The following STRN3 variants were observed in gnomAD, a reference collection of about 807,000 sequenced individuals.
STRN3 encodes striatin-3.
Under a neutral mutation model 95.6 loss-of-function variants are expected in STRN3, and 29 were observed. The observed-to-expected ratio is 0.30, with a 90% confidence interval of 0.23 to 0.41. The LOEUF is 0.41. STRN3 is among the 10% of genes least tolerant of loss of function. STRN3 has a pLI of 1.00. For missense variants in STRN3, 890 were observed against 972.1 expected (o/e 0.92, Z 1.12); for synonymous variants, 331 against 357.6 (o/e 0.93, Z 0.84).
At chr14:31,003,349 G>GA (rs546113177) in intron 1 of STRN3, among the ~76,000 whole-genome samples, 6,548 of 142,734 alleles carry the variant, frequency 0.046, 175 homozygotes, top group East Asian at 0.081. Context: ...TTAAAAATTG[G>GA]AAAAAAAAAA....
At chr14:30,924,287 C>CTTTTTTTATTTTTT (rs1896960498) in intron 8 of STRN3, among the ~76,000 whole-genome samples, 1 of 77,228 alleles carries the variant, frequency 1.3e-5, no homozygotes, top group Non-Finnish European at 2.2e-5. Context: ...TGCCTTAAAT[C>CTTTTTTTATTTTTT]TTTTTTTTTT....
At chr14:31,025,585 T>C in intron 1 of STRN3, 1 of 417,834 alleles carries the variant, frequency 2.4e-6, no homozygotes, top group South Asian at 2.5e-5. Context: ...CACAGAGAGG[T>C]GCTCGGTCCC....
chr14:31,025,962 T>C lies in STRN3; in HGVS notation c.224A>G (p.Glu75Gly), dbSNP rs1195475658. The C allele has an allele frequency of 5.7e-6, 9 of 1,589,116 alleles. No individual in the cohort carries two copies. Among genetic ancestry groups the C allele is most frequent in the Non-Finnish European group, 6.8e-6 (8 of 1,168,622 alleles). The change falls in exon 1 of 18, where the codon GAG becomes GGG. Residue 75 changes from glutamate to glycine, a missense_variant. By Grantham distance (98) the Glu-to-Gly change is moderately conservative. Around this residue, in one of 3 missense-constraint regions of STRN3, gnomAD observed 526 missense variants for 526.3 expected, o/e 1.00. Coordinates refer to ENST00000357479, the MANE Select transcript of STRN3 (RefSeq NM_001083893.2). ...CCGCTCCATCTCGAACCGAGCCCAC[T>C]CGTGCTGGATGTAGTGCAGTATCCC... ...IPGILHYIQHEWARFEMERAH... is the reference protein window; with the variant it reads ...IPGILHYIQHGWARFEMERAH...
At chr14:30,945,927 G>A (rs1429159116) in intron 5 of STRN3, among the ~76,000 whole-genome samples, 1 of 152,108 alleles carries the variant, frequency 6.6e-6, no homozygotes, top group East Asian at 1.9e-4. Context: ...AGATTGCGGT[G>A]ATAGCTGAAC....
intron 1 of STRN3, among the ~76,000 whole-genome samples, chr14:30,992,157 C>T (rs1189969020): frequency 1.3e-5 from 2 of 151,972 alleles, no homozygotes; most frequent in African/African-American, 4.8e-5. Flanking sequence ...TGCCTGTAAT[C>T]CCAGCACTTT....
chr14:30,925,248 A>G (rs1207032237), intron 8 of STRN3, among the ~76,000 whole-genome samples: 2 of 151,800 alleles, frequency 1.3e-5, no homozygotes, highest in African/African-American at 4.8e-5. Flanking sequence ...CAGGGGGGTA[A>G]AAAAAAGAAG....
Position 30,894,566 on chromosome 14 carries a change from G to A in STRN3, c.*845C>T, listed in dbSNP as rs1896076610. On this transcript the variant is annotated 3_prime_UTR_variant, in exon 18 of 18. Coordinates refer to ENST00000357479, the MANE Select transcript of STRN3 (RefSeq NM_001083893.2). The stretch of plus-strand genomic sequence containing the variant: ...AGTTTTTTTCTTTAAGAGTTCATTT[G>A]GAGTACTAAACCCCACTGTTTCATT... The A allele has an allele frequency of 6.5e-6, 1 of 152,682 alleles. No individual in the cohort carries two copies. The highest frequency in any genetic ancestry group is 6.6e-5 in the Admixed American group (1 of 15,262). The allele number at this position is 152,682 out of a possible 1,614,324, so 9.5% of individuals were successfully genotyped here. A position where few individuals can be genotyped will look rare whatever the true frequency, so the allele number is the denominator to read the frequency against.
intron 1 of STRN3, among the ~76,000 whole-genome samples, chr14:31,009,535 A>G (rs1476831832): frequency 6.6e-6 from 1 of 151,974 alleles, no homozygotes; most frequent in Non-Finnish European, 1.5e-5. Flanking sequence ...AAAATTCTGA[A>G]AAGACATGCA....
Position 30,935,154 on chromosome 14 carries a change from T to C in STRN3, c.988+9A>G. 1 of 1,611,996 alleles carries C rather than the reference T, an allele frequency of 6.2e-7. No homozygotes were observed. The highest frequency in any genetic ancestry group is 8.5e-7 in the Non-Finnish European group (1 of 1,179,208). On this transcript the variant is annotated intron_variant, in intron 7 of 17. Coordinates refer to ENST00000357479, the MANE Select transcript of STRN3 (RefSeq NM_001083893.2). The stretch of plus-strand genomic sequence containing the variant: ...TTTCCTCCCACCCGGTATTTCTTTA[T>C]CACCTTACCCCATTCTGTGCCATCC...
chr14:30,955,582 A>G (rs1879859399), intron 3 of STRN3, 38 bp downstream of exon 3: 2 of 1,490,648 alleles, frequency 1.3e-6, no homozygotes, highest in East Asian at 2.4e-5. Flanking sequence ...TAAAAAATGA[A>G]TTAAAAAAAA....
At chr14:30,962,492 A>G (rs1268104648) in intron 1 of STRN3, among the ~76,000 whole-genome samples, 5 of 152,054 alleles carry the variant, frequency 3.3e-5, no homozygotes, top group Admixed American at 1.3e-4. Context: ...CCAATCCTAA[A>G]AGCTTCATTC....
At chr14:31,006,282 T>C (rs564434579) in intron 1 of STRN3, among the ~76,000 whole-genome samples, 1 of 152,190 alleles carries the variant, frequency 6.6e-6, no homozygotes, top group African/African-American at 2.4e-5. Flanking sequence ...AGGCTGGGTA[T>C]GGTGGCTCAT....
rs117240744 is a variant in STRN3 at position 30,966,210 on chromosome 14, A to T, written c.283-9968T>A. Among the ~76,000 whole-genome samples, 277 of 151,534 alleles carry T rather than the reference A, an allele frequency of 1.8e-3. 5 individuals are homozygous for T. The East Asian group carries it at 0.032, about 17-fold the overall frequency. On this transcript the variant is annotated intron_variant, in intron 1 of 17. Transcript: ENST00000357479. The stretch of plus-strand genomic sequence containing the variant: ...GCCGACAGGGGAACAACACGGCAGC[A>T]AAGGGTCACGTGCATCAGGGATAAG...
rs1170141504 is a variant in STRN3 at position 30,906,889 on chromosome 14, T to G, written c.1876A>C (p.Asn626His). ...AAAATTTACTTACTTTTATCTCCAT[T>G]GTAAGTGCAAATACATGGCAATTTT... Reference protein sequence around the residue: ...QEKLPCICTYNGDKKHGIPTS... With the variant: ...QEKLPCICTYHGDKKHGIPTS... The change falls in exon 14 of 18, where the codon AAT (asparagine) becomes CAT (histidine). Residue 626 changes from asparagine to histidine, a missense_variant. Around this residue, in one of 3 missense-constraint regions of STRN3, gnomAD observed 357 missense variants for 422.8 expected, o/e 0.84. Coordinates refer to ENST00000357479, the MANE Select transcript of STRN3 (RefSeq NM_001083893.2). 6.2e-7 allele frequency: 1 copy of G among 1,609,826 alleles called. No homozygotes were observed. Among genetic ancestry groups the G allele is most frequent in the East Asian group, 2.2e-5 (1 of 44,812 alleles).
At chr14:30,900,449 G>GGT (rs1896279457) in intron 16 of STRN3, among the ~76,000 whole-genome samples, 1 of 147,906 alleles carries the variant, frequency 6.8e-6, no homozygotes, top group Non-Finnish European at 1.5e-5. Flanking sequence ...GGGGCGGGGG[G>GGT]GGGCGGTGTG....
intron 1 of STRN3, among the ~76,000 whole-genome samples, chr14:30,977,236 A>G (rs988209193): frequency 1.3e-5 from 2 of 152,136 alleles, no homozygotes; most frequent in East Asian, 3.9e-4. Flanking sequence ...CAAAATAAAT[A>G]CATATATGAA....
rs1555323062 is a variant in STRN3, at chr14:30,975,555, AAAG to A, written c.283-19316_283-19314del. On this transcript the variant is annotated intron_variant, in intron 1 of 17. Coordinates refer to ENST00000357479, the MANE Select transcript of STRN3 (RefSeq NM_001083893.2). The stretch of plus-strand genomic sequence containing the variant: ...TTCCCCCCTACTGAAAAAAAAAAAA[AAAG>A]AAGAAGAAAGAAAGAGAACGAAAGA... 6.2e-3 allele frequency among the ~76,000 whole-genome samples: 883 copies of A among 143,306 alleles called. 7 individuals are homozygous for A. The highest frequency in any genetic ancestry group is 0.019 in the African/African-American group (746 of 38,994). The allele number at this position is 143,306 out of a possible 152,430, so 94.0% of individuals were successfully genotyped here. A position where few individuals can be genotyped will look rare whatever the true frequency, so the allele number is the denominator to read the frequency against.
intron 1 of STRN3, among the ~76,000 whole-genome samples, chr14:31,012,597 G>T (rs1224144831): frequency 6.6e-6 from 1 of 152,108 alleles, no homozygotes; most frequent in African/African-American, 2.4e-5. Flanking sequence ...CTGTTAAAAA[G>T]AAGTGAGGAT....
At chr14:30,924,354 C>A (rs1217577589) in intron 8 of STRN3, among the ~76,000 whole-genome samples, 4 of 119,698 alleles carry the variant, frequency 3.3e-5, no homozygotes, top group Non-Finnish European at 6.4e-5. Flanking sequence ...GTGGCGCGAT[C>A]CTGACTCACT....
Sources: allele counts gnomAD v4.1 joint callset (sites outside exome capture counted in the v4.1 genomes callset), GRCh38; gene constraint gnomAD v4.1.1; regional missense constraint gnomAD v4.1.1; transcripts MANE v1.5; gene names NCBI Gene and HGNC (gene_info 2026-07-23, HGNC 2026-07-21).